ACO1: variants seen among roughly 807,000 people sequenced by gnomAD.
ACO1 encodes cytoplasmic aconitate hydratase.
ACO1 carries 78 observed loss-of-function variants against 105.1 expected under a neutral mutation model. That is an observed-to-expected ratio of 0.74 (90% CI 0.62 to 0.90). ACO1 has a LOEUF of 0.90. Ranked by LOEUF, ACO1 falls within the 40% of genes least tolerant of loss-of-function variation. The pLI is 0.00. For synonymous variants in ACO1, 364 were observed against 397.4 expected (o/e 0.92, Z 1.00); for missense variants, 965 against 1,111.1 (o/e 0.87, Z 1.87).
In ACO1 at chr9:32,420,921, G is replaced by A; in HGVS notation, c.864G>A (p.Leu288=). 1 of 1,614,070 alleles carries A rather than the reference G, an allele frequency of 6.2e-7. No homozygotes were observed. The highest frequency in any genetic ancestry group is 1.1e-5 in the South Asian group (1 of 91,076). Residue 288 remains leucine (L), a synonymous_variant, in exon 8 of 21, where the codon TTG becomes TTA. Coordinates refer to ENST00000309951, the MANE Select transcript of ACO1 (RefSeq NM_002197.3). ...TCTTCGGGCCTGGAGTAGCCCAGTT[G>A]TCCATTGCTGACCGAGCTACGATTG... ...VEFFGPGVAQ[L]SIADRATIAN...
At chr9:32,416,081 T>C (rs1821841143) in intron 4 of ACO1, among the ~76,000 whole-genome samples, 1 of 148,370 alleles carries the variant, frequency 6.7e-6, no homozygotes. Flanking sequence ...ATCTGTGTGG[T>C]AACCAAATAT....
At chr9:32,415,496 G>C (rs1241577170) in intron 4 of ACO1, among the ~76,000 whole-genome samples, 2 of 152,168 alleles carry the variant, frequency 1.3e-5, no homozygotes, top group Non-Finnish European at 2.9e-5. Flanking sequence ...TTGAGTTGAT[G>C]GTGCCTGAAG....
chr9:32,419,096 T>G lies in ACO1; in HGVS notation c.717T>G (p.Leu239=), dbSNP rs1250029413. 1 of 1,610,212 alleles carries G rather than the reference T, an allele frequency of 6.2e-7. No homozygotes were observed. Among genetic ancestry groups the G allele is most frequent in the African/African-American group, 1.3e-5 (1 of 74,710 alleles). Residue 239 remains leucine, a synonymous_variant, in exon 7 of 21, where the codon CTT becomes CTG. Transcript: ENST00000309951. ...TGGGTCAGCCAATCAGTATGGTGCT[T>G]CCTCAGGTGATTGGCTACAGGCTGA... is the stretch of plus-strand genomic sequence containing the variant. ...VMLGQPISMV[L]PQVIGYRLMG...
rs770966790 is a variant in ACO1 at position 32,405,525 on chromosome 9, C to A, written c.19C>A (p.His7Asn). Reference protein sequence around the residue: MSNPFAHLAEPLDPVQP... With the variant: MSNPFANLAEPLDPVQP... ...AGTAATCATGAGCAACCCATTCGCA[C>A]ACCTTGCTGAGCCATTGGATCCTGT... Residue 7 changes from histidine (H) to asparagine (N), a missense_variant, in exon 2 of 21, where the codon CAC (histidine) becomes AAC (asparagine). By Grantham distance (68) the His-to-Asn change is moderately conservative. Coordinates refer to ENST00000309951, the MANE Select transcript of ACO1 (RefSeq NM_002197.3). The A allele has an allele frequency of 6.8e-6, 11 of 1,613,776 alleles. No individual in the cohort carries two copies. The South Asian group carries it at 1.1e-4, about 16-fold the overall frequency.
chr9:32,434,999 A>G (rs918026213), intron 17 of ACO1, among the ~76,000 whole-genome samples: 8 of 152,178 alleles, frequency 5.3e-5, no homozygotes, highest in Admixed American at 5.2e-4. Flanking sequence ...TCTTTAAAGT[A>G]CAAGGCTCTG....
intron 4 of ACO1, among the ~76,000 whole-genome samples, chr9:32,411,200 G>A (rs1363926054): frequency 6.6e-6 from 1 of 152,188 alleles, no homozygotes; most frequent in Non-Finnish European, 1.5e-5. Flanking sequence ...CACCACAAGG[G>A]TTTTGATACA....
Position 32,407,262 on chromosome 9 carries a change from G to A in ACO1, c.99G>A (p.Gly33=). 1 of 1,614,030 alleles carries A rather than the reference G, an allele frequency of 6.2e-7. No individual in the cohort carries two copies. Among genetic ancestry groups the A allele is most frequent in the Non-Finnish European group, 8.5e-7 (1 of 1,179,948 alleles). The part of the protein sequence containing the change: ...NLNKLEDSRY[G]RLPFSIRVLL... ...TATTTTGTCATCCTTAACTCTTAGG[G>A]CGCTTACCATTTTCGATCAGAGTTC... Residue 33 remains glycine (G), a splice_region_variant and synonymous_variant, in exon 3 of 21, where the codon GGG becomes GGA. Transcript: ENST00000309951.
rs1237186346 is a variant in ACO1 at position 32,452,744 on chromosome 9, G to C, written c.*2633G>C. The C allele has an allele frequency of 2.6e-5, 4 of 151,826 alleles. No individual in the cohort carries two copies. Among genetic ancestry groups the C allele is most frequent in the Non-Finnish European group, 5.9e-5 (4 of 68,030 alleles). 9.4% of individuals were successfully genotyped at this position (151,826 alleles called of 1,614,324 possible). On this transcript the variant is annotated 3_prime_UTR_variant, in exon 21 of 21. Coordinates refer to ENST00000309951, the MANE Select transcript of ACO1 (RefSeq NM_002197.3). The stretch of plus-strand genomic sequence containing the variant: ...TTTGGGAGGCCGAGGCTGGAGGGTT[G>C]CTTGAGCCCAGAAGTTTGAGACCAG...
chr9:32,426,079 G>T, intron 11 of ACO1, 82 bp downstream of exon 11: 1 of 1,438,314 alleles, frequency 7.0e-7, no homozygotes, highest in African/African-American at 1.4e-5. Context: ...GGCCTTGGCG[G>T]AGTTGTACAT....
chr9:32,426,015 C>T lies in ACO1; in HGVS notation c.1348+18C>T, dbSNP rs774002493. 1.2e-6 allele frequency: 2 copies of T among 1,612,084 alleles called. No homozygotes were observed. The highest frequency in any genetic ancestry group is 1.1e-5 in the South Asian group (1 of 90,774). ...AGGGGCAGGTAAGTGCATTTGACTC[C>T]ATCCTCATGGTCATACATGTGTGTA... On this transcript the variant is annotated intron_variant, in intron 11 of 20. Transcript: ENST00000309951.
rs549426052 is a variant in ACO1, at chr9:32,401,388, AT to A, written c.-22-4084del. On this transcript the variant is annotated intron_variant, in intron 1 of 20. Coordinates refer to ENST00000309951, the MANE Select transcript of ACO1 (RefSeq NM_002197.3). ...TTTCACTGGAGGGCAAATCAGCTGT[AT>A]TTTTTTTTTTTTCTGGTTATCCCAC... 3.5e-3 allele frequency among the ~76,000 whole-genome samples: 486 copies of A among 140,292 alleles called. 1 individual carries two copies. Among genetic ancestry groups the A allele is most frequent in the African/African-American group, 4.8e-3 (183 of 38,218 alleles). 92.0% of individuals were successfully genotyped at this position (140,292 alleles called of 152,430 possible).
At position 32,439,124 on chromosome 9, in the gene ACO1, A is replaced by G. The variant is rs1822425017; in HGVS notation, c.2248-1341A>G. On this transcript the variant is annotated intron_variant, in intron 18 of 20. Coordinates refer to ENST00000309951, the MANE Select transcript of ACO1 (RefSeq NM_002197.3). The surrounding 1 kb of genome is among the most constrained non-coding windows in gnomAD (Gnocchi z 4.0). ...CTTAGTCCCTCTGATCTTGGGTAAC[A>G]TGACGTGCTTTGCCATGAGATTGTC... Among the ~76,000 whole-genome samples the G allele has an allele frequency of 6.6e-6, 1 of 152,218 alleles. No homozygotes were observed. The highest frequency in any genetic ancestry group is 1.5e-5 in the Non-Finnish European group (1 of 68,028).
chr9:32,403,269 G>A (rs1821537355), intron 1 of ACO1, among the ~76,000 whole-genome samples: 1 of 152,178 alleles, frequency 6.6e-6, no homozygotes, highest in African/African-American at 2.4e-5. Context: ...AATAATGATA[G>A]ATTTCATTTA....
At chr9:32,408,971 A>G (rs917039700) in intron 4 of ACO1, among the ~76,000 whole-genome samples, 1 of 152,208 alleles carries the variant, frequency 6.6e-6, no homozygotes, top group African/African-American at 2.4e-5. Context: ...ATGTCAGTGC[A>G]AGTATATGTT....
chr9:32,428,382 C>T (rs1022414302), intron 12 of ACO1, among the ~76,000 whole-genome samples: 2 of 152,028 alleles, frequency 1.3e-5, no homozygotes, highest in African/African-American at 4.8e-5. Flanking sequence ...ATCTGTCCCA[C>T]TGGAAGGTCT....
rs989735919 is a variant in ACO1 at position 32,417,922 on chromosome 9, A to G, written c.405-206A>G. ...CTACCATAGTTAAAGGCATTGTAGG[A>G]ATCACTTGAACCAAACAATAATTAC... is the stretch of plus-strand genomic sequence containing the variant. On this transcript the variant is annotated intron_variant, in intron 4 of 20. Coordinates refer to ENST00000309951, the MANE Select transcript of ACO1 (RefSeq NM_002197.3). Among the ~76,000 whole-genome samples, 3 of 152,334 alleles carry G rather than the reference A, an allele frequency of 2.0e-5. No individual in the cohort carries two copies. In the East Asian group the frequency reaches 5.8e-4, roughly 29 times the overall value.
intron 10 of ACO1, 63 bp from the exon 11 acceptor site, chr9:32,425,775 C>G: frequency 8.3e-7 from 1 of 1,199,710 alleles, no homozygotes; most frequent in Middle Eastern, 2.5e-4. Flanking sequence ...TTTCCTCTAG[C>G]CAGATACATG....
intron 4 of ACO1, among the ~76,000 whole-genome samples, chr9:32,415,636 G>A (rs531290720): frequency 5.9e-5 from 9 of 152,320 alleles, no homozygotes; most frequent in African/African-American, 1.9e-4. Context: ...AGGAGCAGCT[G>A]TGTCTCGTCC....
At chr9:32,433,875 T>C in intron 16 of ACO1, 43 bp downstream of exon 16, 1 of 1,450,524 alleles carries the variant, frequency 6.9e-7, no homozygotes, top group Non-Finnish European at 9.5e-7. Flanking sequence ...CTTTGAAGGG[T>C]TTCTTTCCTA....
Sources: gnomAD v4.1 joint callset for allele counts (sites outside exome capture counted in the v4.1 genomes callset) on GRCh38, gnomAD v4.1.1 for gene constraint, Gnocchi (gnomAD v3.1) non-coding constraint, MANE v1.5 for transcripts, NCBI Gene and HGNC (gene_info 2026-07-23, HGNC 2026-07-21) for gene names.